The following FHIT variants were observed in gnomAD, a reference collection of about 807,000 sequenced individuals.
FHIT encodes the protein fragile histidine triad diadenosine triphosphatase.
A neutral mutation model predicts 17.9 loss-of-function variants in FHIT; 19 were observed. The ratio of observed to expected loss-of-function variants is 1.06; its 90% CI spans 0.74 to 1.56. The LOEUF is 1.56. Ranked by LOEUF, FHIT falls within the 40% of genes most tolerant of loss-of-function variation. FHIT has a pLI of 0.00. For missense variants in FHIT, 248 were observed against 189.2 expected, an observed-to-expected ratio of 1.31 and a Z score of -1.82; for synonymous variants, 81 against 69.7, an observed-to-expected ratio of 1.16 and a Z score of -0.81.
At chr3:61,010,615 T>C (rs897487208) in intron 3 of FHIT, among the ~76,000 whole-genome samples, 7 of 152,202 alleles carry the variant, frequency 4.6e-5, no homozygotes, top group Admixed American at 1.3e-4. Flanking sequence ...CCAAGGAAGA[T>C]ACTGTGCAAA....
chr3:61,191,914 G>A (rs575796253), intron 2 of FHIT, among the ~76,000 whole-genome samples: 18 of 152,266 alleles, frequency 1.2e-4, no homozygotes, highest in Admixed American at 5.2e-4. Context: ...CCCATTCCGC[G>A]TGCCAGTGTC....
chr3:60,058,621 C>G (rs1486390217), intron 5 of FHIT, among the ~76,000 whole-genome samples: 1 of 152,178 alleles, frequency 6.6e-6, no homozygotes, highest in African/African-American at 2.4e-5. Flanking sequence ...GATGCCACAT[C>G]TGCCCTGATT....
intron 2 of FHIT, among the ~76,000 whole-genome samples, chr3:61,051,655 T>C (rs887894464): frequency 3.9e-5 from 6 of 152,224 alleles, no homozygotes; most frequent in African/African-American, 9.6e-5. Flanking sequence ...CTGGAAATGT[T>C]TCTGATAGAT....
At position 60,755,527 on chromosome 3, in the gene FHIT, A is replaced by G. The variant is rs373716744; in HGVS notation, c.-18+66392T>C. Among the ~76,000 whole-genome samples the G allele has an allele frequency of 3.5e-4, 54 of 152,332 alleles. No individual in the cohort carries two copies. In the South Asian group the frequency reaches 8.9e-3, roughly 25 times the overall value. ...TAATTTGCAACCTCTGGTTTCTACA[A>G]AACATGAAGCTGACTGATAAATGAC... On this transcript the variant is annotated intron_variant, in intron 4 of 9. Coordinates refer to ENST00000492590, the MANE Select transcript of FHIT (RefSeq NM_002012.4).
chr3:60,127,323 T>C (rs1021013085), intron 5 of FHIT, among the ~76,000 whole-genome samples: 1 of 152,210 alleles, frequency 6.6e-6, no homozygotes, highest in African/African-American at 2.4e-5. Flanking sequence ...ATCTCTGATA[T>C]CTAAATAGCA....
intron 8 of FHIT, among the ~76,000 whole-genome samples, chr3:59,895,948 G>A (rs1704049490): frequency 6.6e-6 from 1 of 152,154 alleles, no homozygotes; most frequent in African/African-American, 2.4e-5. Context: ...GCACTGGCCT[G>A]GGAATGCTCT....
chr3:60,264,687 G>T (rs529652203), intron 5 of FHIT, among the ~76,000 whole-genome samples: 1 of 152,072 alleles, frequency 6.6e-6, no homozygotes, highest in Admixed American at 6.6e-5. Flanking sequence ...CCAGGGAGTT[G>T]AATGTGGACT....
chr3:59,799,628 T>C (rs1256119996), intron 8 of FHIT, among the ~76,000 whole-genome samples: 1 of 152,186 alleles, frequency 6.6e-6, no homozygotes, highest in Non-Finnish European at 1.5e-5. Context: ...AATCATCCCA[T>C]AAACTTTATT....
chr3:59,876,416 G>A (rs1225778920), intron 8 of FHIT, among the ~76,000 whole-genome samples: 1 of 148,076 alleles, frequency 6.8e-6, no homozygotes, highest in Non-Finnish European at 1.5e-5. Context: ...TGGCTTCTGG[G>A]GCCACTGGGA....
intron 3 of FHIT, among the ~76,000 whole-genome samples, chr3:60,903,183 A>AT (rs1390918048): frequency 6.6e-6 from 1 of 152,242 alleles, no homozygotes; most frequent in Admixed American, 6.5e-5. Flanking sequence ...AAAAGGAGAT[A>AT]TTAAGTGATG....
At chr3:60,391,748 A>G (rs1025006137) in intron 5 of FHIT, among the ~76,000 whole-genome samples, 2 of 152,198 alleles carry the variant, frequency 1.3e-5, no homozygotes, top group African/African-American at 4.8e-5. Flanking sequence ...TCATACAATG[A>G]TGAAATCACC....
At chr3:61,051,190 G>A (rs2034011794) in intron 2 of FHIT, among the ~76,000 whole-genome samples, 1 of 152,212 alleles carries the variant, frequency 6.6e-6, no homozygotes, top group African/African-American at 2.4e-5. Context: ...CTATGACAAT[G>A]AGATTTTCTG....
At chr3:61,072,014 T>A (rs989269474) in intron 2 of FHIT, among the ~76,000 whole-genome samples, 6 of 152,160 alleles carry the variant, frequency 3.9e-5, no homozygotes, top group African/African-American at 9.7e-5. Flanking sequence ...CCACCCCTCA[T>A]GCCCCCTCAT....
chr3:60,118,193 A>G (rs1324827267), intron 5 of FHIT, among the ~76,000 whole-genome samples: 1 of 151,938 alleles, frequency 6.6e-6, no homozygotes, highest in Admixed American at 6.6e-5. Flanking sequence ...CGTAGCCTCC[A>G]GTTTCTGGGT....
At chr3:61,114,656 T>C (rs550778405) in intron 2 of FHIT, among the ~76,000 whole-genome samples, 2 of 152,168 alleles carry the variant, frequency 1.3e-5, no homozygotes, top group Non-Finnish European at 2.9e-5. Context: ...GCGTTGGCCA[T>C]GGAACCTGGA....
At chr3:59,853,298 G>A (rs1448384184) in intron 8 of FHIT, among the ~76,000 whole-genome samples, 1 of 152,090 alleles carries the variant, frequency 6.6e-6, no homozygotes, top group Non-Finnish European at 1.5e-5. Flanking sequence ...TCATTTTACA[G>A]TTCAAGAAGC....
chr3:60,165,483 C>A (rs747631335), intron 5 of FHIT, among the ~76,000 whole-genome samples: 6 of 152,166 alleles, frequency 3.9e-5, no homozygotes, highest in Non-Finnish European at 8.8e-5. Context: ...GGAATCCGTA[C>A]AGCTCATTGT....
At chr3:61,054,360 TC>T (rs1050000799) in intron 2 of FHIT, among the ~76,000 whole-genome samples, 3 of 94,578 alleles carry the variant, frequency 3.2e-5, no homozygotes, top group East Asian at 5.2e-4. Flanking sequence ...ACAAATTATC[TC>T]TTTTTTTTTC....
At chr3:60,854,688 A>G (rs1220484940) in intron 3 of FHIT, among the ~76,000 whole-genome samples, 1 of 151,820 alleles carries the variant, frequency 6.6e-6, no homozygotes, top group Non-Finnish European at 1.5e-5. Context: ...GGGAAAGAGG[A>G]TGCCAGCCAA....
Sources: allele counts gnomAD v4.1 joint callset (sites outside exome capture counted in the v4.1 genomes callset), GRCh38; gene constraint gnomAD v4.1.1; transcripts MANE v1.5; gene names NCBI Gene and HGNC (gene_info 2026-07-23, HGNC 2026-07-21).